Variants in CDYL2 observed in about 807,000 individuals in gnomAD.
The protein encoded by CDYL2 is chromodomain Y like 2, also known as chromodomain Y-like protein 2.
In CDYL2, 23 loss-of-function variants were observed where a neutral mutation model predicts 49.4. The observed-to-expected ratio is 0.47, with a 90% CI of 0.34 to 0.66. The LOEUF is 0.66. Ranked by LOEUF, CDYL2 falls within the 30% of genes least tolerant of loss-of-function variation. The pLI is 0.01. For synonymous variants in CDYL2, 360 were observed against 268.8 expected, an observed-to-expected ratio of 1.34 and a Z score of -3.32; for missense variants, 678 against 656.4, an observed-to-expected ratio of 1.03 and a Z score of -0.36.
intron 1 of CDYL2, among the ~76,000 whole-genome samples, chr16:80,754,435 CA>C (rs1194545569): frequency 6.6e-6 from 1 of 152,186 alleles, no homozygotes; most frequent in East Asian, 1.9e-4. Flanking sequence ...GTTGCTATTA[CA>C]AAACAGGAAT....
intron 1 of CDYL2, among the ~76,000 whole-genome samples, chr16:80,757,779 C>T (rs12446720): frequency 0.17 from 26,467 of 151,506 alleles, 3,726 homozygotes; most frequent in African/African-American, 0.39. Context: ...ATCAAAATAA[C>T]AAATTATTGG....
intron 1 of CDYL2, among the ~76,000 whole-genome samples, chr16:80,795,410 T>A (rs957263087): frequency 6.6e-6 from 1 of 152,156 alleles, no homozygotes; most frequent in African/African-American, 2.4e-5. Flanking sequence ...AATAAACAAA[T>A]GGCCCTGCAA....
Position 80,655,445 on chromosome 16 carries a change from A to G in CDYL2, c.617-22209T>C, listed in dbSNP as rs542701075. ...GGAGATGAAAAGCTAACAAGTAACT[A>G]ATACCTAAAAAAATTACAGATTGGA... On this transcript the variant is annotated intron_variant, in intron 2 of 6. Transcript: ENST00000570137. Among the ~76,000 whole-genome samples, 4 of 152,318 alleles carry G rather than the reference A, an allele frequency of 2.6e-5. No individual in the cohort carries two copies. The East Asian group carries it at 7.7e-4, about 29-fold the overall frequency.
At chr16:80,773,946 T>G (rs1014601156) in intron 1 of CDYL2, among the ~76,000 whole-genome samples, 2 of 152,008 alleles carry the variant, frequency 1.3e-5, no homozygotes, top group Non-Finnish European at 2.9e-5. Context: ...TACAAACAGA[T>G]AGGTTTATAG....
chr16:80,803,215 G>T (rs1907979685), intron 1 of CDYL2, among the ~76,000 whole-genome samples: 1 of 152,140 alleles, frequency 6.6e-6, no homozygotes, highest in Non-Finnish European at 1.5e-5. Context: ...AAAGACCATG[G>T]GTGTTCCTCC....
At position 80,750,377 on chromosome 16, in the gene CDYL2, T is replaced by C. The variant is rs1001956723; in HGVS notation, c.24+53773A>G. On this transcript the variant is annotated intron_variant, in intron 1 of 6. Coordinates refer to ENST00000570137, the MANE Select transcript of CDYL2 (RefSeq NM_152342.4). Reference sequence around the variant, plus strand: ...CAAAATAATTAACAGAAATAAAAAATAAAAACAGTAGACTGGATCCAAAAA... The same window carrying C: ...CAAAATAATTAACAGAAATAAAAAACAAAAACAGTAGACTGGATCCAAAAA... Among the ~76,000 whole-genome samples, 4 of 120,830 alleles carry C rather than the reference T, an allele frequency of 3.3e-5. No homozygotes were observed. In the East Asian group the frequency reaches 9.4e-4, roughly 28 times the overall value. The allele number at this position is 120,830 out of a possible 152,430, so 79.3% of individuals were successfully genotyped here. A position where few individuals can be genotyped will look rare whatever the true frequency, so the allele number is the denominator to read the frequency against.
intron 3 of CDYL2, among the ~76,000 whole-genome samples, chr16:80,629,281 T>C (rs940696793): frequency 2.0e-5 from 3 of 152,232 alleles, no homozygotes; most frequent in Non-Finnish European, 2.9e-5. Flanking sequence ...GGCAGACTTA[T>C]GAGACGGCTA....
chr16:80,783,256 T>C (rs1907330571), intron 1 of CDYL2, among the ~76,000 whole-genome samples: 1 of 152,154 alleles, frequency 6.6e-6, no homozygotes, highest in African/African-American at 2.4e-5. Flanking sequence ...CTAATAAGCA[T>C]ATCAAAAGGT....
intron 1 of CDYL2, among the ~76,000 whole-genome samples, chr16:80,771,974 A>G (rs79002596): frequency 0.099 from 15,038 of 152,164 alleles, 835 homozygotes; most frequent in African/African-American, 0.13. Context: ...ACCAGGGAGA[A>G]TAAGGAGAAA....
chr16:80,751,008 A>G (rs1906117481), intron 1 of CDYL2, among the ~76,000 whole-genome samples: 1 of 140,184 alleles, frequency 7.1e-6, no homozygotes, highest in Non-Finnish European at 1.5e-5. Flanking sequence ...CGACAGAGTG[A>G]GATTCCATCT....
At chr16:80,676,422 C>T (rs532766000) in intron 2 of CDYL2, among the ~76,000 whole-genome samples, 5 of 152,198 alleles carry the variant, frequency 3.3e-5, no homozygotes, top group Middle Eastern at 3.4e-3. Context: ...GAGGCTGCCC[C>T]GGGAACACCC....
chr16:80,611,896 G>A (rs934618050), intron 5 of CDYL2, among the ~76,000 whole-genome samples: 6 of 152,302 alleles, frequency 3.9e-5, no homozygotes, highest in African/African-American at 9.6e-5. Context: ...GGACTCCGCC[G>A]CCTCTGTTGG....
chr16:80,751,653 T>C (rs891101840), intron 1 of CDYL2, among the ~76,000 whole-genome samples: 1 of 152,216 alleles, frequency 6.6e-6, no homozygotes, highest in African/African-American at 2.4e-5. Context: ...AGAAGGATAA[T>C]AGGCTCAAGT....
chr16:80,624,377 T>C (rs929390728), intron 3 of CDYL2, among the ~76,000 whole-genome samples: 1 of 152,170 alleles, frequency 6.6e-6, no homozygotes, highest in Non-Finnish European at 1.5e-5. Flanking sequence ...TGTATGTGGA[T>C]TTGAAGTTCT....
chr16:80,693,698 C>G (rs147713060), intron 1 of CDYL2, among the ~76,000 whole-genome samples: 14 of 152,272 alleles, frequency 9.2e-5, no homozygotes, highest in African/African-American at 3.4e-4. Context: ...TACCAATCGG[C>G]TACACAAGGG....
At chr16:80,726,261 T>C (rs955999608) in intron 1 of CDYL2, among the ~76,000 whole-genome samples, 7 of 152,208 alleles carry the variant, frequency 4.6e-5, no homozygotes, top group Non-Finnish European at 1.0e-4. Context: ...TCAATATTCA[T>C]CCATAGGTTT....
chr16:80,700,049 C>T (rs1050980614), intron 1 of CDYL2, among the ~76,000 whole-genome samples: 5 of 152,006 alleles, frequency 3.3e-5, no homozygotes, highest in South Asian at 2.1e-4. Flanking sequence ...TTAGTAGAGA[C>T]GGGGTTTCAC....
At chr16:80,631,098 A>T (rs1032435370) in intron 3 of CDYL2, among the ~76,000 whole-genome samples, 1 of 152,232 alleles carries the variant, frequency 6.6e-6, no homozygotes, top group African/African-American at 2.4e-5. Flanking sequence ...GAAGAGACAA[A>T]AGGGCGAGCA....
chr16:80,696,746 A>C (rs1394639409), intron 1 of CDYL2, among the ~76,000 whole-genome samples: 2 of 152,020 alleles, frequency 1.3e-5, no homozygotes, highest in East Asian at 3.9e-4. Context: ...CCAACAAAGA[A>C]AAGTCCAGAA....
Sources: gnomAD v4.1 joint callset for allele counts (sites outside exome capture counted in the v4.1 genomes callset) on GRCh38, gnomAD v4.1.1 for gene constraint, MANE v1.5 for transcripts, NCBI Gene and HGNC (gene_info 2026-07-23, HGNC 2026-07-21) for gene names.